The following DDB1 variants were observed in gnomAD, a reference collection of about 807,000 sequenced individuals.
DDB1 encodes damage specific DNA binding protein 1.
Under a neutral mutation model 133.1 loss-of-function variants are expected in DDB1, and 18 were observed. The observed-to-expected ratio is 0.14, with a 90% CI of 0.09 to 0.20. The LOEUF (loss-of-function observed/expected upper bound fraction) is 0.20. DDB1 is among the 10% of genes least tolerant of loss of function. DDB1 has a pLI of 1.00. For synonymous variants in DDB1, 580 were observed against 550.5 expected (o/e 1.05, Z -0.75); for missense variants, 828 against 1,459.2 (o/e 0.57, Z 7.05).
At chr11:61,303,766 GC>G in intron 22 of DDB1, 98 bp downstream of exon 22, 1 of 1,114,094 alleles carries the variant, frequency 9.0e-7, no homozygotes, top group South Asian at 1.6e-5. Flanking sequence ...AAACATTTCT[GC>G]CCCTAATACT....
At chr11:61,323,926 G>T (rs1202763558) in intron 7 of DDB1, 53 bp downstream of exon 7, 19 of 1,593,038 alleles carry the variant, frequency 1.2e-5, no homozygotes, top group Non-Finnish European at 1.5e-5. Flanking sequence ...CACATTTGGT[G>T]TCTTTAGGAA....
Position 61,303,216 on chromosome 11 carries a change from TG to T in DDB1, c.2833-62del, listed in dbSNP as rs374255005. The stretch of plus-strand genomic sequence containing the variant: ...CAGCAGTTTGCACGGAATCCAGTTC[TG>T]GGACTTGTGTTTCCTTTATTCAGGA... On this transcript the variant is annotated intron_variant, in intron 22 of 26. Coordinates refer to ENST00000301764, the MANE Select transcript of DDB1 (RefSeq NM_001923.5). 256 of 1,488,842 alleles carry T rather than the reference TG, an allele frequency of 1.7e-4. 3 individuals carry two copies. In the South Asian group the frequency reaches 2.7e-3, roughly 16 times the overall value. 92.2% of individuals were successfully genotyped at this position (1,488,842 alleles called of 1,614,324 possible).
In DDB1 at chr11:61,326,897, G is replaced by A. The variant is rs911685256; in HGVS notation, c.550-4C>T. ...TTACGTGCCGCCCCTGAGGGTCCTGGGGGGGAAAGGTAAAATGGTTAGCCC... is the reference window on the plus strand; with the variant it reads ...TTACGTGCCGCCCCTGAGGGTCCTGAGGGGGAAAGGTAAAATGGTTAGCCC... On this transcript the variant is annotated splice_polypyrimidine_tract_variant and splice_region_variant and intron_variant, in intron 4 of 26. Transcript: ENST00000301764. 6.2e-7 allele frequency: 1 copy of A among 1,610,126 alleles called. No homozygotes were observed. The highest frequency in any genetic ancestry group is 8.5e-7 in the Non-Finnish European group (1 of 1,176,602).
chr11:61,310,825 G>A (rs1855953287), intron 18 of DDB1: 1 of 157,620 alleles, frequency 6.3e-6, no homozygotes, highest in Non-Finnish European at 1.4e-5. Context: ...GAAAGGCAGA[G>A]AATACATGGA....
At chr11:61,318,138 A>G (rs1405301793) in intron 10 of DDB1, among the ~76,000 whole-genome samples, 1 of 152,256 alleles carries the variant, frequency 6.6e-6, no homozygotes, top group East Asian at 1.9e-4. Context: ...TTCATTGAAC[A>G]ATATATGCTT....
rs764844217 is a variant in DDB1 at position 61,329,525 on chromosome 11, C to T, written c.387G>A (p.Arg129=). 3 of 1,614,190 alleles carry T rather than the reference C, an allele frequency of 1.9e-6. No homozygotes were observed. The East Asian group carries it at 6.7e-5, about 36-fold the overall frequency. The part of the protein sequence containing the change: ...GIIGIIDPEC[R]MIGLRLYDGL... Reference sequence around the variant, plus strand: ...CATCATAGAGACGCAGGCCAATCATCCGGCACTCAGGGTCAATGATGCCAA... The same window carrying T: ...CATCATAGAGACGCAGGCCAATCATTCGGCACTCAGGGTCAATGATGCCAA... The change falls in exon 4 of 27, where the codon CGG becomes CGA. Residue 129 remains arginine, a synonymous_variant. Coordinates refer to ENST00000301764, the MANE Select transcript of DDB1 (RefSeq NM_001923.5).
In DDB1 at chr11:61,331,618, G is replaced by C. The variant is rs201941583; in HGVS notation, c.135C>G (p.Thr45=). Residue 45 remains threonine, a synonymous_variant, in exon 2 of 27, where the codon ACC becomes ACG. Coordinates refer to ENST00000301764, the MANE Select transcript of DDB1 (RefSeq NM_001923.5). The stretch of plus-strand genomic sequence containing the variant: ...CTTTGACGGGCCGAAGCCCCTCGGC[G>C]GTGACCACATAGATCTCTAATCTCG... ...KNTRLEIYVV[T]AEGLRPVKEV... The C allele has an allele frequency of 1.1e-5, 18 of 1,613,998 alleles. No homozygotes were observed.
chr11:61,301,191 G>A (rs1195795032), intron 25 of DDB1: 6 of 422,586 alleles, frequency 1.4e-5, no homozygotes, highest in South Asian at 5.2e-5. Context: ...TGTGAAGCCC[G>A]TATATGTATG....
At chr11:61,326,320 T>C (rs1856269461) in intron 5 of DDB1, 1 of 231,858 alleles carries the variant, frequency 4.3e-6, no homozygotes, top group African/African-American at 2.4e-5. Context: ...CAGTTTTTTG[T>C]TGTTGTTTTT....
In DDB1 at chr11:61,311,845, C is replaced by T. The variant is rs190054116; in HGVS notation, c.2216G>A (p.Arg739His). 3 of 1,614,086 alleles carry T rather than the reference C, an allele frequency of 1.9e-6. No homozygotes were observed. Among genetic ancestry groups the T allele is most frequent in the Admixed American group, 1.7e-5 (1 of 59,996 alleles). Residue 739 changes from arginine (R) to histidine (H), a missense_variant, in exon 18 of 27, where the codon CGC (arginine) becomes CAC (histidine). Physicochemically the swap from Arg to His is conservative, Grantham distance 29 (BLOSUM62 0). Coordinates refer to ENST00000301764, the MANE Select transcript of DDB1 (RefSeq NM_001923.5). ...VSQCFGVLSS[R>H]IEVQDTSGGT... Reference sequence around the variant, plus strand: ...CCCACTCGTGTCTTGGACTTCAATGCGGCTGGAGAGGACCCCGAAACACTG... The same window carrying T: ...CCCACTCGTGTCTTGGACTTCAATGTGGCTGGAGAGGACCCCGAAACACTG...
chr11:61,324,141 C>T lies in DDB1; in HGVS notation c.763-4G>A. ...TGTGGCACACAATCGTGCTTTGCTG[C>T]CAATTGGAAGGAAACAGTCATTAGA... On this transcript the variant is annotated splice_polypyrimidine_tract_variant and splice_region_variant and intron_variant, in intron 6 of 26. Transcript: ENST00000301764. The T allele has an allele frequency of 6.2e-7, 1 of 1,613,964 alleles. No individual in the cohort carries two copies. The highest frequency in any genetic ancestry group is 8.5e-7 in the Non-Finnish European group (1 of 1,179,964).
chr11:61,317,911 A>G (rs1856118181), intron 10 of DDB1, among the ~76,000 whole-genome samples: 1 of 152,094 alleles, frequency 6.6e-6, no homozygotes, highest in African/African-American at 2.4e-5. Flanking sequence ...GCCTTCTGGT[A>G]AAGAGATGGG....
chr11:61,332,982 G>A lies in DDB1; in HGVS notation c.-14C>T. 1.3e-6 allele frequency: 2 copies of A among 1,502,558 alleles called. No individual in the cohort carries two copies. The highest frequency in any genetic ancestry group is 1.7e-4 in the Middle Eastern group (1 of 5,816). 93.1% of individuals were successfully genotyped at this position (1,502,558 alleles called of 1,614,324 possible). A position where few individuals can be genotyped will look rare whatever the true frequency, so the allele number is the denominator to read the frequency against. Reference sequence around the variant, plus strand: ...GTTGTACGACATGTCGAGGCTTGGAGCGGCCCGTCGGGACTCGAGCGCGAC... The same window carrying A: ...GTTGTACGACATGTCGAGGCTTGGAACGGCCCGTCGGGACTCGAGCGCGAC... On this transcript the variant is annotated 5_prime_UTR_variant, in exon 1 of 27. Coordinates refer to ENST00000301764, the MANE Select transcript of DDB1 (RefSeq NM_001923.5).
At chr11:61,325,285 C>T (rs1856251284) in intron 6 of DDB1, among the ~76,000 whole-genome samples, 1 of 152,182 alleles carries the variant, frequency 6.6e-6, no homozygotes, top group Non-Finnish European at 1.5e-5. Context: ...CTACAGTGAG[C>T]TACGATCATG....
chr11:61,330,243 G>A, intron 2 of DDB1, 169 bp from the exon 3 acceptor site: 1 of 473,718 alleles, frequency 2.1e-6, no homozygotes, highest in Admixed American at 3.7e-5. Flanking sequence ...CACCCTAAGG[G>A]CATGTACAAA....
chr11:61,316,436 C>T (rs1455195354), intron 11 of DDB1, 43 bp from the exon 12 acceptor site: 7 of 1,613,116 alleles, frequency 4.3e-6, no homozygotes, highest in Admixed American at 1.7e-5. Context: ...GGACCAGCTT[C>T]CCCACCTCAC....
intron 5 of DDB1, chr11:61,326,071 C>A: frequency 3.1e-6 from 1 of 319,248 alleles, no homozygotes. Context: ...TGTTCCTTAG[C>A]TTAACTTCCC....
intron 20 of DDB1, among the ~76,000 whole-genome samples, chr11:61,309,592 G>A (rs1855929159): frequency 6.6e-6 from 1 of 151,902 alleles, no homozygotes; most frequent in South Asian, 2.1e-4. Flanking sequence ...TCAAAGAGTA[G>A]CAAAGAAAGA....
intron 4 of DDB1, 99 bp from the exon 5 acceptor site, chr11:61,326,992 C>A: frequency 1.2e-6 from 1 of 820,798 alleles, no homozygotes; most frequent in South Asian, 1.5e-5. Flanking sequence ...CAGCATCTGA[C>A]AGTCCTGTCA....
Sources: gnomAD v4.1 joint callset for allele counts (sites outside exome capture counted in the v4.1 genomes callset) on GRCh38, gnomAD v4.1.1 for gene constraint, MANE v1.5 for transcripts, NCBI Gene and HGNC (gene_info 2026-07-23, HGNC 2026-07-21) for gene names.